PDE5A: variants seen among roughly 807,000 people sequenced by gnomAD.
PDE5A encodes cGMP-specific 3',5'-cyclic phosphodiesterase.
A neutral mutation model predicts 110.2 loss-of-function variants in PDE5A; 67 were observed. That is an observed-to-expected ratio of 0.61 (90% CI 0.50 to 0.75). The LOEUF (loss-of-function observed/expected upper bound fraction) is 0.75. Ranked by LOEUF, PDE5A falls within the 30% of genes least tolerant of loss-of-function variation. The pLI is 0.00. For synonymous variants in PDE5A, 328 were observed against 351.2 expected (o/e 0.93, Z 0.74); for missense variants, 862 against 1,045.1 (o/e 0.82, Z 2.42).
chr4:119,580,523 A>T (rs1301301281), intron 3 of PDE5A, among the ~76,000 whole-genome samples: 1 of 152,170 alleles, frequency 6.6e-6, no homozygotes, highest in Non-Finnish European at 1.5e-5. Flanking sequence ...GCTTTGCAAC[A>T]TTCTCATAAG....
In PDE5A at chr4:119,498,672, A is replaced by G; in HGVS notation, c.2557T>C (p.Trp853Arg). Residue 853 changes from tryptophan to arginine, a missense_variant, in exon 21 of 21, where the codon TGG (tryptophan) becomes CGG (arginine). Transcript: ENST00000354960. ...TCCTGCTGTTCTGCAAGGGCCTGCCATTTCTGCCTGTTCTTTCTGCAGCCA... is the reference window on the plus strand; with the variant it reads ...TCCTGCTGTTCTGCAAGGGCCTGCCGTTTCTGCCTGTTCTTTCTGCAGCCA... ...LDGCRKNRQK[W>R]QALAEQQEKM... 6.2e-7 allele frequency: 1 copy of G among 1,613,928 alleles called. No homozygotes were observed. Among genetic ancestry groups the G allele is most frequent in the Non-Finnish European group, 8.5e-7 (1 of 1,179,896 alleles).
intron 14 of PDE5A, among the ~76,000 whole-genome samples, chr4:119,515,167 C>T (rs1258243586): frequency 6.6e-6 from 1 of 150,954 alleles, no homozygotes; most frequent in East Asian, 1.9e-4. Flanking sequence ...TATTCATAGT[C>T]AGATCTCCAG....
rs1727960302 is a variant in PDE5A, at chr4:119,567,058, CA to C, written c.903+14del. 1 of 1,594,830 alleles carries C rather than the reference CA, an allele frequency of 6.3e-7. No individual in the cohort carries two copies. Among genetic ancestry groups the C allele is most frequent in the South Asian group, 1.1e-5 (1 of 90,622 alleles). ...TCTTCCTAAATTGGCTCATGTCTGA[CA>C]CAAGTTTTGGTACCTTTTCATCTTT... On this transcript the variant is annotated intron_variant, in intron 4 of 20. Coordinates refer to ENST00000354960, the MANE Select transcript of PDE5A (RefSeq NM_001083.4).
intron 1 of PDE5A, among the ~76,000 whole-genome samples, chr4:119,609,239 CAT>C (rs1355174546): frequency 4.6e-5 from 7 of 152,048 alleles, no homozygotes; most frequent in Non-Finnish European, 1.0e-4. Context: ...AGATTTTACA[CAT>C]GTGACAAAGG....
chr4:119,594,016 C>T (rs1030861196), intron 3 of PDE5A, among the ~76,000 whole-genome samples: 1 of 152,188 alleles, frequency 6.6e-6, no homozygotes, highest in Non-Finnish European at 1.5e-5. Context: ...CAATTACCTC[C>T]ACCTGGTCCC....
At position 119,589,241 on chromosome 4, in the gene PDE5A, C is replaced by T. The variant is rs567483466; in HGVS notation, c.831+7282G>A. Among the ~76,000 whole-genome samples, 61 of 152,012 alleles carry T rather than the reference C, an allele frequency of 4.0e-4. 1 individual carries two copies. Among genetic ancestry groups the T allele is most frequent in the Non-Finnish European group, 2.9e-4 (20 of 67,994 alleles). On this transcript the variant is annotated intron_variant, in intron 3 of 20. Transcript: ENST00000354960. ...TGCTTTCTACCCCTTATCCTCTCCT[C>T]CCCAAATAATCTAGAGAAAAAAAAA...
In PDE5A at chr4:119,495,647, A is replaced by G. The variant is rs370966489; in HGVS notation, c.*2954T>C. The G allele has an allele frequency of 2.0e-5, 3 of 152,708 alleles. No individual in the cohort carries two copies. The highest frequency in any genetic ancestry group is 2.1e-4 in the South Asian group (1 of 4,830). The allele number at this position is 152,708 out of a possible 1,614,324, so 9.5% of individuals were successfully genotyped here. A position where few individuals can be genotyped will look rare whatever the true frequency, so the allele number is the denominator to read the frequency against. On this transcript the variant is annotated 3_prime_UTR_variant, in exon 21 of 21. Transcript: ENST00000354960. ...AATCCAATATTTCCAGTATATTTTC[A>G]TATACTTTCTTATCTCTAATACTCC... is the stretch of plus-strand genomic sequence containing the variant.
Position 119,498,621 on chromosome 4 carries a change from C to A in PDE5A, c.2608G>T (p.Gly870Cys), listed in dbSNP as rs61729962. 1.2e-6 allele frequency: 2 copies of A among 1,613,952 alleles called. No homozygotes were observed. Among genetic ancestry groups the A allele is most frequent in the Non-Finnish European group, 1.7e-6 (2 of 1,179,908 alleles). ...GCCACTCAGTTCCGCTTGGCCTGGCCGCTTTCCCCATTAATCAGCATCTTC... is the reference window on the plus strand; with the variant it reads ...GCCACTCAGTTCCGCTTGGCCTGGCAGCTTTCCCCATTAATCAGCATCTTC... ...QEKMLINGES[G>C]QAKRN Residue 870 changes from glycine to cysteine, a missense_variant, in exon 21 of 21, where the codon GGC becomes TGC. Coordinates refer to ENST00000354960, the MANE Select transcript of PDE5A (RefSeq NM_001083.4).
chr4:119,567,069 G>C lies in PDE5A; in HGVS notation c.903+4C>G, dbSNP rs1727961285. The C allele has an allele frequency of 6.2e-7, 1 of 1,608,316 alleles. No individual in the cohort carries two copies. The highest frequency in any genetic ancestry group is 2.2e-5 in the East Asian group (1 of 44,782). On this transcript the variant is annotated splice_donor_region_variant and intron_variant, in intron 4 of 20. Coordinates refer to ENST00000354960, the MANE Select transcript of PDE5A (RefSeq NM_001083.4). ...TGGCTCATGTCTGACACAAGTTTTGGTACCTTTTCATCTTTTTCAGTAAAT... is the reference window on the plus strand; with the variant it reads ...TGGCTCATGTCTGACACAAGTTTTGCTACCTTTTCATCTTTTTCAGTAAAT...
intron 1 of PDE5A, among the ~76,000 whole-genome samples, chr4:119,619,007 T>C (rs898592980): frequency 6.6e-6 from 1 of 152,172 alleles, no homozygotes; most frequent in African/African-American, 2.4e-5. Flanking sequence ...TAAAATGCCA[T>C]CCTCTTTTCT....
chr4:119,508,822 T>G (rs952561319), intron 15 of PDE5A, among the ~76,000 whole-genome samples: 1 of 152,026 alleles, frequency 6.6e-6, no homozygotes, highest in Non-Finnish European at 1.5e-5. Flanking sequence ...GGATATAATT[T>G]CTTGTGTAAT....
chr4:119,619,404 C>G lies in PDE5A; in HGVS notation c.152+9116G>C, dbSNP rs1354639724. Among the ~76,000 whole-genome samples, 5 of 152,254 alleles carry G rather than the reference C, an allele frequency of 3.3e-5. No homozygotes were observed. In the East Asian group the frequency reaches 7.7e-4, roughly 24 times the overall value. ...TCTCTCCGCCTTGAGTCTTCACCCT[C>G]TTTCACCTCCCGTCTTAAAGTTTGA... is the stretch of plus-strand genomic sequence containing the variant. On this transcript the variant is annotated intron_variant, in intron 1 of 20. Transcript: ENST00000354960.
At chr4:119,562,366 T>C (rs1727772287) in intron 6 of PDE5A, among the ~76,000 whole-genome samples, 1 of 152,204 alleles carries the variant, frequency 6.6e-6, no homozygotes, top group Non-Finnish European at 1.5e-5. Context: ...TTAGTAATAC[T>C]CCTACTGGCT....
At chr4:119,558,734 A>G (rs7680063) in intron 7 of PDE5A, among the ~76,000 whole-genome samples, 44,388 of 151,680 alleles carry the variant, frequency 0.29, 6,530 homozygotes, top group East Asian at 0.38. Context: ...AGCTAAAAAC[A>G]GTGAAACCCC....
chr4:119,560,162 G>A (rs1173715582), intron 7 of PDE5A, 134 bp downstream of exon 7: 14 of 567,350 alleles, frequency 2.5e-5, no homozygotes, highest in Non-Finnish European at 4.0e-5. Context: ...ACTTAGGACC[G>A]TAAATGTGAG....
rs1464032109 is a variant in PDE5A at position 119,498,109 on chromosome 4, T to C, written c.*492A>G. ...AGACACTGTTAACAAATACAATTAT[T>C]TCTCTTAAAATCCACTCAGCCAGCA... On this transcript the variant is annotated 3_prime_UTR_variant, in exon 21 of 21. Transcript: ENST00000354960. The C allele has an allele frequency of 6.6e-6, 1 of 152,528 alleles. No homozygotes were observed. The highest frequency in any genetic ancestry group is 1.5e-5 in the Non-Finnish European group (1 of 68,288). 9.4% of individuals were successfully genotyped at this position (152,528 alleles called of 1,614,324 possible). A position where few individuals can be genotyped will look rare whatever the true frequency, so the allele number is the denominator to read the frequency against.
rs1466280513 is a variant in PDE5A, at chr4:119,607,216, A to T, written c.234T>A (p.Ser78=). 6.2e-7 allele frequency: 1 copy of T among 1,614,028 alleles called. No homozygotes were observed. The highest frequency in any genetic ancestry group is 1.3e-5 in the African/African-American group (1 of 74,938). ...CKEGIRGHTE[S]CSCPLQQSPR... ...GACTCTGCTGCAAGGGACAAGAGCA[A>T]GATTCGGTGTGGCCTCTGATACCTT... The change falls in exon 2 of 21, where the codon TCT becomes TCA. Residue 78 remains serine (S), a synonymous_variant. Transcript: ENST00000354960.
At chr4:119,555,551 CAGG>C (rs1175640642) in intron 7 of PDE5A, among the ~76,000 whole-genome samples, 1 of 151,816 alleles carries the variant, frequency 6.6e-6, no homozygotes, top group Non-Finnish European at 1.5e-5. Flanking sequence ...AGGTGACCAC[CAGG>C]AGAATGAAGT....
At position 119,496,386 on chromosome 4, in the gene PDE5A, C is replaced by A. The variant is rs1268021918; in HGVS notation, c.*2215G>T. On this transcript the variant is annotated 3_prime_UTR_variant, in exon 21 of 21. Coordinates refer to ENST00000354960, the MANE Select transcript of PDE5A (RefSeq NM_001083.4). Reference sequence around the variant, plus strand: ...GCTTTGTATGAACTAAAATATCCAACAAAGAAATAAAATAGGCATTGCCCA... The same window carrying A: ...GCTTTGTATGAACTAAAATATCCAAAAAAGAAATAAAATAGGCATTGCCCA... The A allele has an allele frequency of 6.6e-6, 1 of 152,114 alleles. No homozygotes were observed. The highest frequency in any genetic ancestry group is 1.5e-5 in the Non-Finnish European group (1 of 68,004). The allele number at this position is 152,114 out of a possible 1,614,324, so 9.4% of individuals were successfully genotyped here.
Sources: gnomAD v4.1 joint callset for allele counts (sites outside exome capture counted in the v4.1 genomes callset) on GRCh38, gnomAD v4.1.1 for gene constraint, MANE v1.5 for transcripts, NCBI Gene and HGNC (gene_info 2026-07-23, HGNC 2026-07-21) for gene names.